The following RLN2 variants were observed in gnomAD, a reference collection of about 807,000 sequenced individuals.
The protein encoded by RLN2 is relaxin 2, also known as prorelaxin H2.
Under a neutral mutation model 7.3 loss-of-function variants are expected in RLN2, and 10 were observed. The observed-to-expected ratio is 1.36, with a 90% CI of 0.84 to 2.31. The LOEUF (loss-of-function observed/expected upper bound fraction) is 2.31. Among genes scored for constraint, RLN2 ranks in the 30% most tolerant of loss-of-function variants. RLN2 has a pLI of 0.00. For synonymous variants in RLN2, 103 were observed against 82.3 expected, an observed-to-expected ratio of 1.25 and a Z score of -1.36; for missense variants, 298 against 217.6, an observed-to-expected ratio of 1.37 and a Z score of -2.32.
the RLN2 span, chr9:5,335,641 T>G: frequency 8.4e-7 from 1 of 1,183,644 alleles, no homozygotes; most frequent in East Asian, 2.4e-5. Context: ...CGTATTCACG[T>G]CAAAGAGCAT....
chr9:5,330,637 C>CAA, the RLN2 span, among the ~76,000 whole-genome samples: 570 of 74,444 alleles, frequency 7.7e-3, 9 homozygotes, highest in African/African-American at 0.02. Flanking sequence ...GACTCCATCT[C>CAA]AAAAAAAAAA....
At chr9:5,313,597 T>C in the RLN2 span, among the ~76,000 whole-genome samples, 4 of 152,044 alleles carry the variant, frequency 2.6e-5, no homozygotes, top group Admixed American at 1.3e-4. Flanking sequence ...ATTGGGTACA[T>C]TGTGACAATT....
chr9:5,318,889 T>G, the RLN2 span, among the ~76,000 whole-genome samples: 3 of 152,052 alleles, frequency 2.0e-5, 1 homozygote, highest in East Asian at 5.8e-4. Context: ...GATTTCCGTT[T>G]TAAAGATTTT....
intron 1 of RLN2, among the ~76,000 whole-genome samples, chr9:5,301,952 G>A (rs1816154996): frequency 6.6e-6 from 1 of 152,138 alleles, no homozygotes; most frequent in South Asian, 2.1e-4. Context: ...AGAGGTTTTG[G>A]CATTTCCCCT....
intron 1 of RLN2, among the ~76,000 whole-genome samples, 190 bp from the exon 2 acceptor site, chr9:5,300,634 A>G (rs748973437): frequency 1.1e-4 from 16 of 152,274 alleles, no homozygotes; most frequent in Non-Finnish European, 2.1e-4. Context: ...AAAGTACCAT[A>G]ATTTTACCAA....
the RLN2 span, among the ~76,000 whole-genome samples, chr9:5,320,307 C>T: frequency 6.6e-6 from 1 of 151,134 alleles, no homozygotes; most frequent in South Asian, 2.1e-4. Flanking sequence ...TTTAATTAAA[C>T]TTTACAATTC....
chr9:5,337,774 A>C, the RLN2 span, among the ~76,000 whole-genome samples: 1 of 152,072 alleles, frequency 6.6e-6, no homozygotes, highest in Non-Finnish European at 1.5e-5. Context: ...AATAAAGAAA[A>C]TTCTTTAAAA....
At chr9:5,309,802 G>A in the RLN2 span, among the ~76,000 whole-genome samples, 2 of 151,938 alleles carry the variant, frequency 1.3e-5, no homozygotes, top group East Asian at 3.9e-4. Flanking sequence ...TGGGTTGAAG[G>A]AAATTTATAG....
At chr9:5,335,223 A>T in the RLN2 span, 1 of 1,408,596 alleles carries the variant, frequency 7.1e-7, no homozygotes, top group African/African-American at 1.4e-5. Flanking sequence ...TGTGAAAATT[A>T]GACAAGATGT....
At chr9:5,309,012 G>A (rs1014707852), upstream of RLN2, among the ~76,000 whole-genome samples, 20 of 152,026 alleles carry the variant, frequency 1.3e-4, no homozygotes, top group African/African-American at 4.6e-4. Flanking sequence ...CCTCCATCCT[G>A]TAATTCTATG....
intron 1 of RLN2, among the ~76,000 whole-genome samples, chr9:5,301,668 G>A (rs1367757512): frequency 6.6e-6 from 1 of 152,178 alleles, no homozygotes; most frequent in Non-Finnish European, 1.5e-5. Flanking sequence ...GCGGGAGGCA[G>A]ACACCTGGTT....
chr9:5,311,927 T>C, the RLN2 span, among the ~76,000 whole-genome samples: 3 of 151,982 alleles, frequency 2.0e-5, no homozygotes, highest in Non-Finnish European at 4.4e-5. Context: ...CTGCACCCAC[T>C]AACTCGTTCA....
At chr9:5,307,298 TAGATAGATAGATGATA>T (rs1421547325), upstream of RLN2, among the ~76,000 whole-genome samples, 1,280 of 129,742 alleles carry the variant, frequency 9.9e-3, 29 homozygotes, top group African/African-American at 0.037. Flanking sequence ...GATAGATAGA[TAGATAGATAGATGATA>T]GATAGATAGT....
At chr9:5,312,754 G>GT in the RLN2 span, among the ~76,000 whole-genome samples, 2 of 150,996 alleles carry the variant, frequency 1.3e-5, no homozygotes, top group Non-Finnish European at 2.9e-5. Context: ...GCTGCATCCC[G>GT]TAAGTTTTGG....
chr9:5,333,055 A>T, the RLN2 span, among the ~76,000 whole-genome samples: 1 of 152,028 alleles, frequency 6.6e-6, no homozygotes, highest in Non-Finnish European at 1.5e-5. Flanking sequence ...ATTTAATCTC[A>T]TTCTATGTTC....
chr9:5,309,489 C>T (rs1166554438), upstream of RLN2, among the ~76,000 whole-genome samples: 1 of 152,040 alleles, frequency 6.6e-6, no homozygotes, highest in African/African-American at 2.4e-5. Flanking sequence ...CCTACTCACT[C>T]CCTGACAGTT....
At chr9:5,330,637 C>CAAAAAAAAAAAAA in the RLN2 span, among the ~76,000 whole-genome samples, 1 of 74,734 alleles carries the variant, frequency 1.3e-5, no homozygotes, top group Admixed American at 1.7e-4. Flanking sequence ...GACTCCATCT[C>CAAAAAAAAAAAAA]AAAAAAAAAA....
chr9:5,324,628 T>G, the RLN2 span, among the ~76,000 whole-genome samples: 1 of 152,020 alleles, frequency 6.6e-6, no homozygotes, highest in African/African-American at 2.4e-5. Context: ...AAATTTGTGT[T>G]TACTGAACAT....
chr9:5,324,451 G>A, the RLN2 span, among the ~76,000 whole-genome samples: 808 of 152,096 alleles, frequency 5.3e-3, 13 homozygotes, highest in African/African-American at 0.018. Flanking sequence ...CAGACCAAGT[G>A]TAAAATAAAT....
Sources: allele counts gnomAD v4.1 joint callset (sites outside exome capture counted in the v4.1 genomes callset), GRCh38; gene constraint gnomAD v4.1.1; transcripts MANE v1.5; gene names NCBI Gene and HGNC (gene_info 2026-07-23, HGNC 2026-07-21).